Variants in DUOX1 observed in about 807,000 individuals in gnomAD.
DUOX1 encodes the protein NADPH thyroid oxidase 1.
A neutral mutation model predicts 181.8 loss-of-function variants in DUOX1; 134 were observed. The ratio of observed to expected loss-of-function variants is 0.74; its 90% CI spans 0.64 to 0.85. The LOEUF (loss-of-function observed/expected upper bound fraction) is 0.85. DUOX1 is among the 40% of genes least tolerant of loss of function. The probability of loss-of-function intolerance (pLI) is 0.00; values close to 1 mark genes in which losing one functional copy is unlikely to be tolerated. For synonymous variants in DUOX1, 798 were observed against 832.5 expected (o/e 0.96, Z 0.71); for missense variants, 1,814 against 2,064.4 (o/e 0.88, Z 2.35).
chr15:45,138,068 GTGTGTGTGTA>G (rs1595578350), intron 10 of DUOX1, 54 bp downstream of exon 10: 13 of 1,373,398 alleles, frequency 9.5e-6, no homozygotes, highest in African/African-American at 1.6e-5. Context: ...ATGCTTATGT[GTGTGTGTGTA>G]TGTGTGTGTG....
At chr15:45,152,111 G>A in intron 24 of DUOX1, 59 bp downstream of exon 24, 1 of 1,580,478 alleles carries the variant, frequency 6.3e-7, no homozygotes, top group Non-Finnish European at 8.6e-7. Flanking sequence ...TGATCGCCCT[G>A]GGGGTGGGGC....
chr15:45,164,880 C>T lies in DUOX1; in HGVS notation c.4635C>T (p.Ser1545=), dbSNP rs1359548173. The T allele has an allele frequency of 1.2e-6, 2 of 1,614,056 alleles. No individual in the cohort carries two copies. Among genetic ancestry groups the T allele is most frequent in the Non-Finnish European group, 8.5e-7 (1 of 1,180,012 alleles). Residue 1545 remains serine, a synonymous_variant, in exon 34 of 34, where the codon TCC becomes TCT. Transcript: ENST00000389037. The part of the protein sequence containing the change: ...LINRQDRTHF[S]HHYENF ...ACAGGCAGGACCGGACTCACTTCTC[C>T]CACCATTATGAGAACTTCTAGGCCC... is the stretch of plus-strand genomic sequence containing the variant.
chr15:45,155,865 TCCG>T lies in DUOX1; in HGVS notation c.3646_3648del (p.Arg1216del). 2 of 1,614,088 alleles carry T rather than the reference TCCG, an allele frequency of 1.2e-6. No individual in the cohort carries two copies. Among genetic ancestry groups the T allele is most frequent in the Non-Finnish European group, 1.7e-6 (2 of 1,180,022 alleles). On this transcript the variant is annotated inframe_deletion, in exon 28 of 34. Transcript: ENST00000389037. ...ATGTATGTCTTTGCCTCCCACCACTTCCGCCGCCGCAGTTTCCGGGGCTTCTGG... is the reference window on the plus strand; with the variant it reads ...ATGTATGTCTTTGCCTCCCACCACTTCCGCCGCAGTTTCCGGGGCTTCTGG...
In DUOX1 at chr15:45,143,312, A is replaced by C. The variant is rs1236552554; in HGVS notation, c.1936+9A>C. ...CGTGGGAGGCATGGAAGGTAGGTCT[A>C]GGGCTGGCCAGGGTGGTGGTAGGGA... On this transcript the variant is annotated intron_variant, in intron 16 of 33. Coordinates refer to ENST00000389037, the MANE Select transcript of DUOX1 (RefSeq NM_175940.3). 6.2e-7 allele frequency: 1 copy of C among 1,609,466 alleles called. No individual in the cohort carries two copies.
intron 28 of DUOX1, 35 bp downstream of exon 28, chr15:45,155,964 G>A: frequency 6.2e-7 from 1 of 1,613,448 alleles, no homozygotes; most frequent in South Asian, 1.1e-5. Flanking sequence ...GGCCAGGAGG[G>A]TATGGGCAGG....
At chr15:45,136,087 C>T (rs1263127330) in intron 7 of DUOX1, 139 bp downstream of exon 7, 44 of 1,496,964 alleles carry the variant, frequency 2.9e-5, no homozygotes, top group Non-Finnish European at 3.9e-5. Flanking sequence ...CAGGGAAGCC[C>T]CTGTAAATGA....
rs749217757 is a variant in DUOX1 at position 45,144,142 on chromosome 15, C to A, written c.2043C>A (p.Ile681=). The A allele has an allele frequency of 6.2e-7, 1 of 1,614,112 alleles. No individual in the cohort carries two copies. The highest frequency in any genetic ancestry group is 8.5e-7 in the Non-Finnish European group (1 of 1,180,044). ...VDGRLTVLRT[I]QLQPPQKVNF... is the part of the protein sequence containing the mutation. ...GCAGGCTCACCGTGCTCCGCACCAT[C>A]CAGCTGCAGCCTCCACAGAAGGTCA... The change falls in exon 17 of 34, where the codon ATC becomes ATA. Residue 681 remains isoleucine (I), a synonymous_variant. Transcript: ENST00000389037.
intron 33 of DUOX1, 67 bp downstream of exon 33, chr15:45,163,985 C>T: frequency 6.4e-7 from 1 of 1,570,886 alleles, no homozygotes; most frequent in Non-Finnish European, 8.7e-7. Context: ...AGCTCCCAAA[C>T]CTTCCCCATC....
chr15:45,143,346 C>T, intron 16 of DUOX1, 43 bp downstream of exon 16: 1 of 1,513,076 alleles, frequency 6.6e-7, no homozygotes, highest in Non-Finnish European at 9.2e-7. Context: ...GAGGACATGG[C>T]TCAGCGCTAC....
Position 45,161,725 on chromosome 15 carries a change from C to A in DUOX1, c.3857-13C>A. On this transcript the variant is annotated splice_polypyrimidine_tract_variant and intron_variant, in intron 29 of 33. Transcript: ENST00000389037. ...TTCAGGGCAGCAGCTTCTCACCCAC[C>A]ATCCCTCCCCAGGAGTGACCCACCT... is the stretch of plus-strand genomic sequence containing the variant. 1 of 1,612,000 alleles carries A rather than the reference C, an allele frequency of 6.2e-7. No individual in the cohort carries two copies. The highest frequency in any genetic ancestry group is 1.3e-5 in the African/African-American group (1 of 74,970).
In DUOX1 at chr15:45,135,211, C is replaced by A. The variant is rs750073773; in HGVS notation, c.415C>A (p.Arg139Ser). 1.9e-5 allele frequency: 31 copies of A among 1,613,662 alleles called. No homozygotes were observed. In the East Asian group the frequency reaches 6.7e-4, roughly 35 times the overall value. ...PGDPMFDPDQ[R>S]GDVVLPFQRS... is the part of the protein sequence containing the mutation. ...AGACCCCATGTTCGACCCCGACCAG[C>A]GCGGGGACGTGGTGCTGCCCTTCCA... The change falls in exon 5 of 34, where the codon CGC becomes AGC. Residue 139 changes from arginine (R) to serine (S), a missense_variant. Physicochemically the swap from Arg to Ser is moderately radical, Grantham distance 110. Around this residue, in one of 5 missense-constraint regions of DUOX1, gnomAD observed 320 missense variants for 313.1 expected, o/e 1.02. Coordinates refer to ENST00000389037, the MANE Select transcript of DUOX1 (RefSeq NM_175940.3).
Position 45,144,877 on chromosome 15 carries a change from C to T in DUOX1, c.2137-18C>T, listed in dbSNP as rs780776574. The T allele has an allele frequency of 1.2e-4, 184 of 1,584,644 alleles. No individual in the cohort carries two copies. The highest frequency in any genetic ancestry group is 1.5e-5 in the Non-Finnish European group (17 of 1,167,502). ...AGGCCTTGGCAAATGGTTGCTTTTG[C>T]TCGGGCTGCCCCCTTAGGTGCTGCT... On this transcript the variant is annotated intron_variant, in intron 17 of 33. Transcript: ENST00000389037.
rs562644495 is a variant in DUOX1 at position 45,150,310 on chromosome 15, G to A, written c.2819-322G>A. ...AGAGGATCTTAAGCCAAATTTTTAT[G>A]GCAGAGCAGGCTCAGAAGGCAGGTT... On this transcript the variant is annotated intron_variant, in intron 21 of 33. Coordinates refer to ENST00000389037, the MANE Select transcript of DUOX1 (RefSeq NM_175940.3). The A allele has an allele frequency of 7.4e-5, 21 of 284,416 alleles. No individual in the cohort carries two copies. In the South Asian group the frequency reaches 1.8e-3, roughly 24 times the overall value. The allele number at this position is 284,416 out of a possible 1,614,324, so 17.6% of individuals were successfully genotyped here. A position where few individuals can be genotyped will look rare whatever the true frequency, so the allele number is the denominator to read the frequency against.
At chr15:45,151,459 G>A (rs112829450) in intron 23 of DUOX1, among the ~76,000 whole-genome samples, 3 of 152,186 alleles carry the variant, frequency 2.0e-5, no homozygotes, top group Admixed American at 1.3e-4. Context: ...TGGTAAGAGC[G>A]AAGGGCTTTG....
chr15:45,144,012 G>A lies in DUOX1; in HGVS notation c.1937-24G>A, dbSNP rs116472683. On this transcript the variant is annotated intron_variant, in intron 16 of 33. Coordinates refer to ENST00000389037, the MANE Select transcript of DUOX1 (RefSeq NM_175940.3). ...GTACCTCTGATGGGTCCCAGCTGAC[G>A]AAGCCCTGTCTCTCTCCCCCTAGCT... 2,462 of 1,612,606 alleles carry A rather than the reference G, an allele frequency of 1.5e-3. 26 individuals are homozygous for A. In the African/African-American group the frequency reaches 0.027, roughly 18 times the overall value.
chr15:45,140,851 G>C, intron 12 of DUOX1, 44 bp from the exon 13 acceptor site: 1 of 1,600,172 alleles, frequency 6.2e-7, no homozygotes, highest in Non-Finnish European at 8.5e-7. Flanking sequence ...CCTTAGGGTG[G>C]GTGCCGTGTC....
In DUOX1 at chr15:45,152,030, G is replaced by A. The variant is rs75815267; in HGVS notation, c.3171G>A (p.Gly1057=). 8.8e-4 allele frequency: 1,422 copies of A among 1,614,052 alleles called. 6 individuals carry two copies. In the African/African-American group the frequency reaches 0.017, roughly 19 times the overall value. The change falls in exon 24 of 34, where the codon GGG becomes GGA. Residue 1057 remains glycine, a synonymous_variant. Transcript: ENST00000389037. ...CCGTGTTCTACGCCATCGCTGGGGG[G>A]CTTTTCCTGGAGAGGGCCTACTGTG... ...CVAVFYAIAG[G]LFLERAYYYA... is the part of the protein sequence containing the mutation.
chr15:45,151,297 G>C (rs757907266), intron 23 of DUOX1, 49 bp downstream of exon 23: 1 of 1,593,954 alleles, frequency 6.3e-7, no homozygotes, highest in East Asian at 2.2e-5. Context: ...CATTCCTTCA[G>C]CTTATAAACA....
intron 2 of DUOX1, among the ~76,000 whole-genome samples, chr15:45,133,021 G>A (rs1896192972): frequency 6.6e-6 from 1 of 152,146 alleles, no homozygotes; most frequent in Non-Finnish European, 1.5e-5. Context: ...CAGAGAAGAA[G>A]CCCCAGGCCT....
Sources: allele counts gnomAD v4.1 joint callset (sites outside exome capture counted in the v4.1 genomes callset), GRCh38; gene constraint gnomAD v4.1.1; regional missense constraint gnomAD v4.1.1; transcripts MANE v1.5; gene names NCBI Gene and HGNC (gene_info 2026-07-23, HGNC 2026-07-21).